The following NSUN7 variants were observed in gnomAD, a reference collection of about 807,000 sequenced individuals.
NSUN7 encodes NOP2/Sun RNA methyltransferase family member 7, also known as protein NSUN7.
NSUN7 carries 39 observed loss-of-function variants against 58.5 expected under a neutral mutation model. The ratio of observed to expected loss-of-function variants is 0.67; its 90% CI spans 0.52 to 0.87. The LOEUF is 0.87. NSUN7 is among the 40% of genes least tolerant of loss of function. NSUN7 has a pLI of 0.00. For missense variants in NSUN7, 765 were observed against 844.1 expected (o/e 0.91, Z 1.16); for synonymous variants, 278 against 303.7 (o/e 0.92, Z 0.88).
intron 7 of NSUN7, among the ~76,000 whole-genome samples, chr4:40,781,539 T>C (rs1158112807): frequency 6.6e-6 from 1 of 152,094 alleles, no homozygotes; most frequent in African/African-American, 2.4e-5. Flanking sequence ...TTCAACCTCC[T>C]GGGCCCCATC....
chr4:40,797,093 C>T (rs992739241), intron 9 of NSUN7, among the ~76,000 whole-genome samples: 1 of 152,164 alleles, frequency 6.6e-6, no homozygotes, highest in African/African-American at 2.4e-5. Flanking sequence ...GCTTCCTCTC[C>T]CTTCACACAC....
At chr4:40,752,776 A>G (rs1171768694) in intron 2 of NSUN7, among the ~76,000 whole-genome samples, 3 of 152,256 alleles carry the variant, frequency 2.0e-5, no homozygotes, top group Non-Finnish European at 2.9e-5. Flanking sequence ...AAAATGTCTC[A>G]CTGATTATTT....
chr4:40,794,280 G>C (rs1228479847), intron 8 of NSUN7, 95 bp from the exon 9 acceptor site: 5 of 546,196 alleles, frequency 9.2e-6, no homozygotes, highest in Non-Finnish European at 1.3e-5. Context: ...CACTTTTATT[G>C]GTAGGCAAAA....
chr4:40,782,132 T>C (rs1421781414), intron 7 of NSUN7, among the ~76,000 whole-genome samples: 1 of 152,126 alleles, frequency 6.6e-6, no homozygotes. Flanking sequence ...AACGAATATA[T>C]AAAAATCTAT....
intron 4 of NSUN7, chr4:40,773,074 G>C (rs1365175462): frequency 6.6e-6 from 1 of 152,122 alleles, no homozygotes; most frequent in Non-Finnish European, 1.5e-5. Context: ...ATTCAGAACT[G>C]GGAAGGACTT....
At position 40,750,679 on chromosome 4, in the gene NSUN7, A is replaced by T. The variant is rs367588423; in HGVS notation, c.-15A>T. 6.2e-7 allele frequency: 1 copy of T among 1,610,582 alleles called. No homozygotes were observed. The highest frequency in any genetic ancestry group is 8.5e-7 in the Non-Finnish European group (1 of 1,178,126). On this transcript the variant is annotated 5_prime_UTR_variant, in exon 2 of 12. Coordinates refer to ENST00000381782, the MANE Select transcript of NSUN7 (RefSeq NM_024677.6). ...AACCCCAGGGTGAAGGACTCACGACAGGCGAGGGGCAGACATGCTGAATTC... is the reference window on the plus strand; with the variant it reads ...AACCCCAGGGTGAAGGACTCACGACTGGCGAGGGGCAGACATGCTGAATTC...
chr4:40,760,501 A>G lies in NSUN7; in HGVS notation c.357+9A>G, dbSNP rs1224447683. ...TCCCAAGTACCACAATAGTAAGTAG[A>G]TAAGTTTTAGAATTACATCGTTTCA... On this transcript the variant is annotated intron_variant, in intron 3 of 11. Coordinates refer to ENST00000381782, the MANE Select transcript of NSUN7 (RefSeq NM_024677.6). 1 of 1,570,026 alleles carries G rather than the reference A, an allele frequency of 6.4e-7. No individual in the cohort carries two copies. The highest frequency in any genetic ancestry group is 1.1e-5 in the South Asian group (1 of 87,774).
At chr4:40,803,537 GTGA>G (rs1343099469) in intron 10 of NSUN7, among the ~76,000 whole-genome samples, 26 of 152,214 alleles carry the variant, frequency 1.7e-4, no homozygotes, top group Non-Finnish European at 3.5e-4. Context: ...CTGATGGCCA[GTGA>G]TGATGAGCTT....
At position 40,774,828 on chromosome 4, in the gene NSUN7, C is replaced by T. The variant is rs1297335422; in HGVS notation, c.703C>T (p.His235Tyr). ...CTATAATAAAGTCAAATCTGTATTGCATATTGATGATAAAGTCTTTGCTGT... is the reference window on the plus strand; with the variant it reads ...CTATAATAAAGTCAAATCTGTATTGTATATTGATGATAAAGTCTTTGCTGT... Reference protein sequence around the residue: ...RGYNKVKSVLHIDDKVFAVDQ... With the variant: ...RGYNKVKSVLYIDDKVFAVDQ... The change falls in exon 6 of 12, where the codon CAT becomes TAT. Residue 235 changes from histidine (H) to tyrosine (Y), a missense_variant. Physicochemically the swap from His to Tyr is moderately conservative, Grantham distance 83. Transcript: ENST00000381782. 2 of 1,556,042 alleles carry T rather than the reference C, an allele frequency of 1.3e-6. No individual in the cohort carries two copies. Among genetic ancestry groups the T allele is most frequent in the South Asian group, 2.3e-5 (2 of 88,762 alleles).
intron 11 of NSUN7, among the ~76,000 whole-genome samples, chr4:40,807,441 C>A (rs1743855672): frequency 6.6e-6 from 1 of 151,670 alleles, no homozygotes; most frequent in Non-Finnish European, 1.5e-5. Context: ...CTCCGCCTCC[C>A]AGGTTCAAGC....
intron 2 of NSUN7, among the ~76,000 whole-genome samples, chr4:40,754,573 T>G (rs925148893): frequency 2.0e-5 from 3 of 152,212 alleles, no homozygotes; most frequent in Non-Finnish European, 2.9e-5. Flanking sequence ...GCTTATACAG[T>G]ATAAGTTCAA....
rs781033561 is a variant in NSUN7, at chr4:40,774,335, A to G, written c.559A>G (p.Ile187Val). ...GCATGATGCCCTTTCAATTTACCAC[A>G]TCCTTCCAGAAACAGTTAGGAAACA... Reference protein sequence around the residue: ...IKHDALSIYHILPETVRKQEL... With the variant: ...IKHDALSIYHVLPETVRKQEL... The change falls in exon 5 of 12, where the codon ATC (isoleucine) becomes GTC (valine). Residue 187 changes from isoleucine (I) to valine (V), a missense_variant. By Grantham distance (29) the Ile-to-Val change is conservative. Coordinates refer to ENST00000381782, the MANE Select transcript of NSUN7 (RefSeq NM_024677.6). 1.2e-6 allele frequency: 2 copies of G among 1,614,032 alleles called. No individual in the cohort carries two copies. Among genetic ancestry groups the G allele is most frequent in the African/African-American group, 1.3e-5 (1 of 75,052 alleles).
intron 4 of NSUN7, among the ~76,000 whole-genome samples, chr4:40,769,016 A>G (rs1248580866): frequency 6.6e-6 from 1 of 152,196 alleles, no homozygotes; most frequent in East Asian, 1.9e-4. Flanking sequence ...AGGCATCACC[A>G]TCTACCTAGA....
intron 2 of NSUN7, among the ~76,000 whole-genome samples, chr4:40,753,039 G>A (rs549748172): frequency 6.6e-6 from 1 of 152,198 alleles, no homozygotes; most frequent in South Asian, 2.1e-4. Flanking sequence ...CTGGGCAGCT[G>A]TGTTGATTAA....
chr4:40,785,967 C>A, intron 7 of NSUN7: 1 of 1,145,254 alleles, frequency 8.7e-7, no homozygotes, highest in Non-Finnish European at 1.2e-6. Context: ...GGTATCAGGG[C>A]GCCTCCCCAG....
At chr4:40,792,548 G>A (rs917504117) in intron 8 of NSUN7, among the ~76,000 whole-genome samples, 16 of 152,044 alleles carry the variant, frequency 1.1e-4, no homozygotes, top group Admixed American at 2.6e-4. Context: ...TCAGGAGCTC[G>A]AGACCATCCT....
Position 40,778,106 on chromosome 4 carries a change from C to T in NSUN7, c.1036+1847C>T, listed in dbSNP as rs190371440. ...CAGAAATGAAGATACAATGAGTGAA[C>T]TGATAGGCCTGAAGAAAATATCTAG... On this transcript the variant is annotated intron_variant, in intron 7 of 11. Coordinates refer to ENST00000381782, the MANE Select transcript of NSUN7 (RefSeq NM_024677.6). Among the ~76,000 whole-genome samples, 226 of 152,156 alleles carry T rather than the reference C, an allele frequency of 1.5e-3. 1 individual carries two copies. The highest frequency in any genetic ancestry group is 5.2e-3 in the African/African-American group (214 of 41,496).
rs1333971825 is a variant in NSUN7, at chr4:40,811,099, T to C, written c.*2160T>C. ...CACAATTTGTTGCCACTTACATTGA[T>C]TATCTCCTAACATGCATTTGGCACT... On this transcript the variant is annotated 3_prime_UTR_variant, in exon 12 of 12. Transcript: ENST00000381782. 1 of 151,900 alleles carries C rather than the reference T, an allele frequency of 6.6e-6. No individual in the cohort carries two copies. The highest frequency in any genetic ancestry group is 1.5e-5 in the Non-Finnish European group (1 of 68,032). The allele number at this position is 151,900 out of a possible 1,614,324, so 9.4% of individuals were successfully genotyped here.
intron 4 of NSUN7, chr4:40,762,706 G>A (rs1037027643): frequency 2.6e-5 from 4 of 152,208 alleles, no homozygotes; most frequent in African/African-American, 9.6e-5. Context: ...AGCACAGCAC[G>A]AGGTGAGCAG....
Sources: gnomAD v4.1 joint callset for allele counts (sites outside exome capture counted in the v4.1 genomes callset) on GRCh38, gnomAD v4.1.1 for gene constraint, MANE v1.5 for transcripts, NCBI Gene and HGNC (gene_info 2026-07-23, HGNC 2026-07-21) for gene names.